SGCZ: variants seen among roughly 807,000 people sequenced by gnomAD.
SGCZ encodes the protein sarcoglycan zeta.
Under a neutral mutation model 41.3 loss-of-function variants are expected in SGCZ, and 40 were observed. The observed-to-expected ratio is 0.97, with a 90% CI of 0.75 to 1.26. The LOEUF (loss-of-function observed/expected upper bound fraction) is 1.26, where lower values mean the gene tolerates loss of function less well. Ranked by LOEUF, SGCZ falls within the 50% of genes most tolerant of loss-of-function variation. SGCZ has a pLI of 0.00. For synonymous variants in SGCZ, 206 were observed against 137.5 expected, an observed-to-expected ratio of 1.50 and a Z score of -3.49; for missense variants, 552 against 369.8, an observed-to-expected ratio of 1.49 and a Z score of -4.04.
intron 1 of SGCZ, among the ~76,000 whole-genome samples, chr8:15,217,117 T>C (rs1010957672): frequency 4.0e-5 from 6 of 150,322 alleles, no homozygotes; most frequent in African/African-American, 1.5e-4. Flanking sequence ...CCCCACAGAG[T>C]AGAGTTAAGA....
intron 2 of SGCZ, among the ~76,000 whole-genome samples, chr8:14,546,363 A>T (rs1022480890): frequency 6.6e-6 from 1 of 152,182 alleles, no homozygotes; most frequent in African/African-American, 2.4e-5. Flanking sequence ...TCACCTCCAG[A>T]GTGCTTTCTT....
At chr8:15,017,659 T>C (rs1803090047) in intron 1 of SGCZ, among the ~76,000 whole-genome samples, 1 of 152,000 alleles carries the variant, frequency 6.6e-6, no homozygotes, top group African/African-American at 2.4e-5. Flanking sequence ...GCTCACATCA[T>C]CATGCCCAGC....
chr8:14,743,587 A>G (rs1799258616), intron 1 of SGCZ, among the ~76,000 whole-genome samples: 1 of 152,112 alleles, frequency 6.6e-6, no homozygotes, highest in Non-Finnish European at 1.5e-5. Context: ...TTCAGAATCT[A>G]TACATAAAGA....
At chr8:14,608,647 A>G (rs1384207872) in intron 1 of SGCZ, among the ~76,000 whole-genome samples, 2 of 226 alleles carry the variant, frequency 8.8e-3, no homozygotes, top group Non-Finnish European at 0.012. Context: ...ATCGACATAC[A>G]TTTGGTGGGC....
chr8:14,474,074 G>C (rs531666908), intron 2 of SGCZ, among the ~76,000 whole-genome samples: 8 of 152,220 alleles, frequency 5.3e-5, no homozygotes, highest in African/African-American at 1.7e-4. Flanking sequence ...GAAAGAAGAA[G>C]TCTCTTGTCA....
intron 4 of SGCZ, among the ~76,000 whole-genome samples, chr8:14,218,425 T>C (rs931435949): frequency 1.3e-5 from 2 of 152,190 alleles, no homozygotes; most frequent in Non-Finnish European, 2.9e-5. Flanking sequence ...AAGAAAAAAC[T>C]GACTTAAACA....
At chr8:14,261,078 C>G (rs1446373366) in intron 3 of SGCZ, among the ~76,000 whole-genome samples, 2 of 149,382 alleles carry the variant, frequency 1.3e-5, no homozygotes, top group African/African-American at 4.9e-5. Context: ...GCACATGTAC[C>G]CTAAAACTTC....
At chr8:14,199,349 G>A (rs1184279368) in intron 4 of SGCZ, among the ~76,000 whole-genome samples, 1 of 152,166 alleles carries the variant, frequency 6.6e-6, no homozygotes, top group Non-Finnish European at 1.5e-5. Context: ...CAGACTGGTT[G>A]TCTGCTCTCA....
In SGCZ at chr8:15,213,996, TAA is replaced by T. The variant is rs201702027; in HGVS notation, c.39+23587_39+23588del. Among the ~76,000 whole-genome samples the T allele has an allele frequency of 7.2e-3, 1,095 of 152,168 alleles. 11 individuals are homozygous for T. The highest frequency in any genetic ancestry group is 0.02 in the African/African-American group (818 of 41,564). ...GAATACAAATAATTTTAAACTTGCC[TAA>T]GTTATTATTTTATTTTAAAATGCAT... On this transcript the variant is annotated intron_variant, in intron 1 of 7. Transcript: ENST00000382080.
At chr8:14,527,365 G>A (rs768016601) in intron 2 of SGCZ, among the ~76,000 whole-genome samples, 63 of 152,082 alleles carry the variant, frequency 4.1e-4, no homozygotes, top group Non-Finnish European at 6.9e-4. Flanking sequence ...GCAGTGGCGC[G>A]ATTATGGCTC....
At chr8:14,412,005 A>T (rs934184149) in intron 2 of SGCZ, among the ~76,000 whole-genome samples, 1 of 152,218 alleles carries the variant, frequency 6.6e-6, no homozygotes, top group East Asian at 1.9e-4. Flanking sequence ...CTTAAATGCA[A>T]GGGCGTGCAT....
intron 1 of SGCZ, among the ~76,000 whole-genome samples, chr8:14,598,184 A>G (rs1046571225): frequency 3.3e-5 from 5 of 152,070 alleles, no homozygotes; most frequent in African/African-American, 1.2e-4. Context: ...TGTTTTGGTA[A>G]TTTTATAATT....
At chr8:14,141,721 G>C (rs1279462278) in intron 5 of SGCZ, among the ~76,000 whole-genome samples, 2 of 152,204 alleles carry the variant, frequency 1.3e-5, no homozygotes, top group African/African-American at 2.4e-5. Flanking sequence ...GTTGATGGGA[G>C]TGTAAACTAC....
intron 2 of SGCZ, among the ~76,000 whole-genome samples, chr8:14,407,538 A>G (rs1799244913): frequency 6.6e-6 from 1 of 152,256 alleles, no homozygotes; most frequent in South Asian, 2.1e-4. Context: ...AAAAAATTAA[A>G]TAACATTAGA....
At chr8:14,995,585 AT>A (rs2130902379) in intron 1 of SGCZ, among the ~76,000 whole-genome samples, 1 of 152,302 alleles carries the variant, frequency 6.6e-6, no homozygotes, top group South Asian at 2.1e-4. Context: ...GCCTCTTTAT[AT>A]ATTCATGTCA....
intron 2 of SGCZ, among the ~76,000 whole-genome samples, chr8:14,443,910 C>T (rs1202328919): frequency 1.3e-5 from 2 of 152,146 alleles, no homozygotes; most frequent in Non-Finnish European, 2.9e-5. Context: ...GCAACCTACT[C>T]ATCTGACAAA....
chr8:14,087,002 G>C lies in SGCZ; in HGVS notation c.*3441C>G, dbSNP rs1171868927. Among the ~76,000 whole-genome samples, 1 of 151,642 alleles carries C rather than the reference G, an allele frequency of 6.6e-6. No individual in the cohort carries two copies. Among genetic ancestry groups the C allele is most frequent in the Non-Finnish European group, 1.5e-5 (1 of 67,726 alleles). On this transcript the variant is annotated 3_prime_UTR_variant, in exon 8 of 8. Coordinates refer to ENST00000382080, the MANE Select transcript of SGCZ (RefSeq NM_139167.4). ...TTAAATATATGTCTTAAGTAGGTAA[G>C]TTCACATGACTAGCCAGGGGCAGAA... is the stretch of plus-strand genomic sequence containing the variant.
chr8:15,221,380 G>C (rs988453763), intron 1 of SGCZ, among the ~76,000 whole-genome samples: 1 of 152,110 alleles, frequency 6.6e-6, no homozygotes, highest in African/African-American at 2.4e-5. Context: ...CGGGATCCTA[G>C]AAAGAACAGA....
chr8:15,194,594 C>T (rs1034856870), intron 1 of SGCZ, among the ~76,000 whole-genome samples: 1 of 151,878 alleles, frequency 6.6e-6, no homozygotes, highest in African/African-American at 2.4e-5. Flanking sequence ...AAAGGGGATG[C>T]AAGAAGGTCA....
Sources: allele counts gnomAD v4.1 joint callset (sites outside exome capture counted in the v4.1 genomes callset), GRCh38; gene constraint gnomAD v4.1.1; transcripts MANE v1.5; gene names NCBI Gene and HGNC (gene_info 2026-07-23, HGNC 2026-07-21).